Variants in REC114 observed in about 807,000 individuals in gnomAD.
REC114 encodes meiotic recombination protein REC114.
In REC114, 27 loss-of-function variants were observed where a neutral mutation model predicts 31.3. That is an observed-to-expected ratio of 0.86 (90% confidence interval 0.64 to 1.19). The LOEUF (loss-of-function observed/expected upper bound fraction) is 1.19, where lower values mean the gene tolerates loss of function less well. Ranked by LOEUF, REC114 falls within the 50% of genes most tolerant of loss-of-function variation. The probability of loss-of-function intolerance (pLI) is 0.00; values close to 1 mark genes in which losing one functional copy is unlikely to be tolerated. For synonymous variants in REC114, 134 were observed against 127.7 expected, an observed-to-expected ratio of 1.05 and a Z score of -0.33; for missense variants, 344 against 326.9, an observed-to-expected ratio of 1.05 and a Z score of -0.40.
intron 1 of REC114, among the ~76,000 whole-genome samples, chr15:73,460,656 T>A (rs1294730259): frequency 6.6e-6 from 1 of 151,868 alleles, no homozygotes; most frequent in Non-Finnish European, 1.5e-5. Flanking sequence ...GGTTTGATAA[T>A]GGGAAGTACC....
rs140240729 is a variant in REC114, at chr15:73,503,596, TA to T, written c.249+29676del. 8.8e-3 allele frequency among the ~76,000 whole-genome samples: 1,336 copies of T among 152,338 alleles called. 18 individuals are homozygous for T. Among genetic ancestry groups the T allele is most frequent in the African/African-American group, 0.03 (1,255 of 41,578 alleles). ...CATTTTATTTTTCTCTCTACTTTCA[TA>T]CATGCTTGAAATAAGCAACATTAAA... On this transcript the variant is annotated intron_variant, in intron 2 of 5. Coordinates refer to ENST00000331090, the MANE Select transcript of REC114 (RefSeq NM_001042367.2).
chr15:73,445,376 A>G (rs1190190586), intron 1 of REC114, among the ~76,000 whole-genome samples: 2 of 152,224 alleles, frequency 1.3e-5, no homozygotes, highest in Non-Finnish European at 2.9e-5. Flanking sequence ...TATGCAGACC[A>G]TTACAACTTT....
chr15:73,459,220 CTTTTTCT>C (rs1412856698), intron 1 of REC114, among the ~76,000 whole-genome samples: 4 of 150,954 alleles, frequency 2.6e-5, no homozygotes, highest in African/African-American at 7.3e-5. Context: ...ATTAAATATA[CTTTTTCT>C]TTTTTCTTTT....
At chr15:73,468,373 G>A (rs1385172273) in intron 1 of REC114, among the ~76,000 whole-genome samples, 1 of 151,910 alleles carries the variant, frequency 6.6e-6, no homozygotes, top group Non-Finnish European at 1.5e-5. Flanking sequence ...AAAATTTCAG[G>A]TTCTAGTTCT....
chr15:73,463,624 C>T (rs140481462), intron 1 of REC114, among the ~76,000 whole-genome samples: 1,740 of 152,178 alleles, frequency 0.011, 30 homozygotes, highest in African/African-American at 0.04. Flanking sequence ...AATTTGAGAC[C>T]AGCTTGGCCA....
At chr15:73,498,371 G>A (rs1247073513) in intron 2 of REC114, among the ~76,000 whole-genome samples, 1 of 152,154 alleles carries the variant, frequency 6.6e-6, no homozygotes, top group Non-Finnish European at 1.5e-5. Context: ...AGGGGTGTGT[G>A]TGTGTGTGTT....
At chr15:73,506,214 C>T (rs1247554712) in intron 2 of REC114, among the ~76,000 whole-genome samples, 12 of 152,018 alleles carry the variant, frequency 7.9e-5, no homozygotes, top group Non-Finnish European at 1.8e-4. Context: ...TGTATCTGAT[C>T]TTTTATCACA....
intron 1 of REC114, among the ~76,000 whole-genome samples, chr15:73,457,239 A>G (rs538675754): frequency 6.6e-6 from 1 of 151,908 alleles, no homozygotes; most frequent in Non-Finnish European, 1.5e-5. Context: ...TGTTTTCTCT[A>G]CTAAGAACAG....
intron 4 of REC114, among the ~76,000 whole-genome samples, chr15:73,552,768 T>C (rs1389100629): frequency 6.6e-6 from 1 of 152,214 alleles, no homozygotes; most frequent in Non-Finnish European, 1.5e-5. Flanking sequence ...TACTTCATCA[T>C]GTTAGTTTTC....
At chr15:73,527,475 T>C (rs1157607219) in intron 2 of REC114, among the ~76,000 whole-genome samples, 1 of 152,198 alleles carries the variant, frequency 6.6e-6, no homozygotes, top group Non-Finnish European at 1.5e-5. Flanking sequence ...TGGATTTCCA[T>C]TCTCTGTGCC....
chr15:73,499,265 C>T (rs1893571216), intron 2 of REC114, among the ~76,000 whole-genome samples: 1 of 151,842 alleles, frequency 6.6e-6, no homozygotes, highest in East Asian at 1.9e-4. Flanking sequence ...TCATAATTGA[C>T]CTGAAACCAG....
At position 73,443,268 on chromosome 15, in the gene REC114, G is replaced by A. The variant is rs779792470; in HGVS notation, c.83G>A (p.Arg28His). The A allele has an allele frequency of 1.4e-5, 22 of 1,576,964 alleles. No individual in the cohort carries two copies. Among genetic ancestry groups the A allele is most frequent in the Middle Eastern group, 1.7e-4 (1 of 6,036 alleles). Residue 28 changes from arginine to histidine, a missense_variant, in exon 1 of 6, where the codon CGC becomes CAC. Arg to His is a conservative substitution (Grantham distance 29). Coordinates refer to ENST00000331090, the MANE Select transcript of REC114 (RefSeq NM_001042367.2). Reference sequence around the variant, plus strand: ...GAGTGGCCTCTGCAGCGGTACGCCCGCTGCATACCCTCAAACACCAGAGAC... The same window carrying A: ...GAGTGGCCTCTGCAGCGGTACGCCCACTGCATACCCTCAAACACCAGAGAC... ...AAEWPLQRYA[R>H]CIPSNTRDPP... is the part of the protein sequence containing the mutation.
intron 2 of REC114, among the ~76,000 whole-genome samples, chr15:73,475,790 C>T (rs945475774): frequency 1.1e-4 from 17 of 152,126 alleles, no homozygotes; most frequent in African/African-American, 4.1e-4. Flanking sequence ...ACTGAGTGTA[C>T]AGTGTTTATA....
At chr15:73,461,922 C>CTTTTTTTTTTTTTT (rs961387922) in intron 1 of REC114, among the ~76,000 whole-genome samples, 3 of 78,212 alleles carry the variant, frequency 3.8e-5, no homozygotes, top group Non-Finnish European at 5.9e-5. Flanking sequence ...TTTTTCTTTT[C>CTTTTTTTTTTTTTT]TTTTTTTTTT....
intron 3 of REC114, among the ~76,000 whole-genome samples, chr15:73,550,707 T>G (rs59965174): frequency 6.6e-6 from 1 of 152,234 alleles, no homozygotes; most frequent in East Asian, 1.9e-4. Context: ...TTTCCACTGT[T>G]GCTGATGTCA....
intron 4 of REC114, 25 bp from the exon 5 acceptor site, chr15:73,556,277 C>CT: frequency 6.2e-7 from 1 of 1,600,220 alleles, no homozygotes; most frequent in South Asian, 1.1e-5. Context: ...AGCTAGTCTC[C>CT]TTATTGCATG....
chr15:73,455,821 G>A (rs980377550), intron 1 of REC114, among the ~76,000 whole-genome samples: 1 of 152,056 alleles, frequency 6.6e-6, no homozygotes, highest in African/African-American at 2.4e-5. Context: ...ATCATCTGAG[G>A]GTTTTGTTAA....
intron 2 of REC114, among the ~76,000 whole-genome samples, chr15:73,530,602 C>A (rs1203210156): frequency 1.3e-5 from 2 of 152,154 alleles, no homozygotes; most frequent in African/African-American, 4.8e-5. Context: ...GAGTTATCAT[C>A]GTACCACTGC....
intron 1 of REC114, among the ~76,000 whole-genome samples, chr15:73,471,812 T>A (rs1893137147): frequency 2.6e-5 from 4 of 152,130 alleles, no homozygotes; most frequent in African/African-American, 7.2e-5. Context: ...GGTGGTATCA[T>A]CATAGAAGGT....
Sources: gnomAD v4.1 joint callset for allele counts (sites outside exome capture counted in the v4.1 genomes callset) on GRCh38, gnomAD v4.1.1 for gene constraint, MANE v1.5 for transcripts, NCBI Gene and HGNC (gene_info 2026-07-23, HGNC 2026-07-21) for gene names.